Variants in BTBD9 observed in about 807,000 individuals in gnomAD.
The protein encoded by BTBD9 is BTB/POZ domain-containing protein 9.
In BTBD9, 49 loss-of-function variants were observed where a neutral mutation model predicts 64.3. That is an observed-to-expected ratio of 0.76 (90% confidence interval 0.61 to 0.97). The LOEUF (loss-of-function observed/expected upper bound fraction) is 0.97. BTBD9 is among the 50% of genes least tolerant of loss of function. The pLI is 0.00. For missense variants in BTBD9, 598 were observed against 762.1 expected (o/e 0.78, Z 2.53); for synonymous variants, 260 against 274.7 (o/e 0.95, Z 0.53).
chr6:38,309,602 G>A lies in BTBD9; in HGVS notation c.1265-21141C>T, dbSNP rs538751123. Among the ~76,000 whole-genome samples the A allele has an allele frequency of 1.1e-4, 16 of 151,606 alleles. 1 individual carries two copies. The highest frequency in any genetic ancestry group is 2.1e-4 in the South Asian group (1 of 4,778). Reference sequence around the variant, plus strand: ...TAACTTTTGTATTTTTAGTAGAGACGGGGTTTCACCATGTTGGCCAGGATG... The same window carrying A: ...TAACTTTTGTATTTTTAGTAGAGACAGGGTTTCACCATGTTGGCCAGGATG... On this transcript the variant is annotated intron_variant, in intron 7 of 10. Transcript: ENST00000481247.
chr6:38,330,696 A>G (rs1216344871), intron 7 of BTBD9, among the ~76,000 whole-genome samples: 2 of 152,070 alleles, frequency 1.3e-5, no homozygotes, highest in Non-Finnish European at 2.9e-5. Context: ...AGCAAAATAG[A>G]TGACGAAGAT....
intron 6 of BTBD9, among the ~76,000 whole-genome samples, chr6:38,522,387 C>G (rs1773311127): frequency 6.6e-6 from 1 of 152,234 alleles, no homozygotes; most frequent in Admixed American, 6.5e-5. Flanking sequence ...TGAAACTTCA[C>G]TTAATAAGAT....
intron 6 of BTBD9, among the ~76,000 whole-genome samples, chr6:38,406,787 C>T (rs1193118982): frequency 6.6e-6 from 1 of 152,164 alleles, no homozygotes; most frequent in Non-Finnish European, 1.5e-5. Flanking sequence ...AGTGCAGTGC[C>T]TATTCACAGA....
intron 4 of BTBD9, chr6:38,588,201 C>T: frequency 1.2e-6 from 1 of 845,008 alleles, no homozygotes; most frequent in Non-Finnish European, 2.1e-6. Flanking sequence ...TCAGCAGTTC[C>T]AAGGATATGG....
At chr6:38,442,382 G>A (rs1300650843) in intron 6 of BTBD9, among the ~76,000 whole-genome samples, 1 of 152,042 alleles carries the variant, frequency 6.6e-6, no homozygotes, top group Non-Finnish European at 1.5e-5. Flanking sequence ...GCCTACTCGG[G>A]AGGCTTGAAC....
At chr6:38,636,637 CCTACACT>C (rs1458900297) in intron 1 of BTBD9, among the ~76,000 whole-genome samples, 1 of 152,210 alleles carries the variant, frequency 6.6e-6, no homozygotes, top group Non-Finnish European at 1.5e-5. Context: ...ACATTTCTCA[CCTACACT>C]CTAGTCTCCC....
intron 6 of BTBD9, among the ~76,000 whole-genome samples, chr6:38,567,183 T>A (rs907141135): frequency 3.3e-5 from 5 of 152,252 alleles, no homozygotes; most frequent in Non-Finnish European, 5.9e-5. Flanking sequence ...TTTCTATAAC[T>A]GAAGGTTTAG....
intron 6 of BTBD9, among the ~76,000 whole-genome samples, chr6:38,477,005 C>T (rs1365977193): frequency 6.6e-6 from 1 of 152,214 alleles, no homozygotes; most frequent in Non-Finnish European, 1.5e-5. Flanking sequence ...CTGCCAGTGA[C>T]ATTCAGGCTT....
chr6:38,299,629 G>A (rs981297973), intron 7 of BTBD9, among the ~76,000 whole-genome samples: 2 of 151,932 alleles, frequency 1.3e-5, no homozygotes, highest in African/African-American at 4.8e-5. Flanking sequence ...ATTTTTTCAT[G>A]TGTTTTTTGG....
At chr6:38,199,238 G>A (rs147754095) in intron 9 of BTBD9, among the ~76,000 whole-genome samples, 2 of 152,214 alleles carry the variant, frequency 1.3e-5, no homozygotes, top group East Asian at 1.9e-4. Context: ...GTCATATCCC[G>A]GATGGTGAGA....
rs147044235 is a variant in BTBD9, at chr6:38,539,918, G to T, written c.1154+37682C>A. On this transcript the variant is annotated intron_variant, in intron 6 of 10. Coordinates refer to ENST00000481247, the MANE Select transcript of BTBD9 (RefSeq NM_001099272.2). ...CTCTATTAGAGTTCACAGGCTAAGAGAAATAAGTATTTCTAGCAACTTTTA... is the reference window on the plus strand; with the variant it reads ...CTCTATTAGAGTTCACAGGCTAAGATAAATAAGTATTTCTAGCAACTTTTA... Among the ~76,000 whole-genome samples, 159 of 152,274 alleles carry T rather than the reference G, an allele frequency of 1.0e-3. 1 individual carries two copies. The highest frequency in any genetic ancestry group is 3.5e-3 in the African/African-American group (147 of 41,560).
chr6:38,384,213 C>A (rs1033019617), intron 6 of BTBD9, among the ~76,000 whole-genome samples: 3 of 152,074 alleles, frequency 2.0e-5, no homozygotes, highest in African/African-American at 7.2e-5. Flanking sequence ...TGCGAAGTAT[C>A]TTGTGATACT....
chr6:38,383,814 C>T (rs956248875), intron 6 of BTBD9, among the ~76,000 whole-genome samples: 2 of 152,136 alleles, frequency 1.3e-5, no homozygotes, highest in Non-Finnish European at 2.9e-5. Flanking sequence ...TGAATGTTTG[C>T]GTCCACCCCT....
At chr6:38,418,817 A>G (rs1034901519) in intron 6 of BTBD9, among the ~76,000 whole-genome samples, 1 of 152,190 alleles carries the variant, frequency 6.6e-6, no homozygotes, top group Non-Finnish European at 1.5e-5. Context: ...GAATGCATGG[A>G]CTAGAATAGC....
At chr6:38,322,219 T>C (rs1404252564) in intron 7 of BTBD9, among the ~76,000 whole-genome samples, 1 of 152,056 alleles carries the variant, frequency 6.6e-6, no homozygotes, top group Non-Finnish European at 1.5e-5. Context: ...TCACTGTACA[T>C]TGCCTTGGTC....
At chr6:38,234,600 T>C (rs554803713) in intron 9 of BTBD9, among the ~76,000 whole-genome samples, 1 of 152,350 alleles carries the variant, frequency 6.6e-6, no homozygotes, top group South Asian at 2.1e-4. Context: ...CTTTTACTGA[T>C]AAAATAACAA....
At position 38,408,007 on chromosome 6, in the gene BTBD9, T is replaced by C. The variant is rs77951370; in HGVS notation, c.1155-62914A>G. Reference sequence around the variant, plus strand: ...AAAGGAATCCCAATGAAACAGCTGATACATAACCTAAAATTAGGCCACTTT... The same window carrying C: ...AAAGGAATCCCAATGAAACAGCTGACACATAACCTAAAATTAGGCCACTTT... On this transcript the variant is annotated intron_variant, in intron 6 of 10. Coordinates refer to ENST00000481247, the MANE Select transcript of BTBD9 (RefSeq NM_001099272.2). 1.9e-4 allele frequency among the ~76,000 whole-genome samples: 29 copies of C among 152,324 alleles called. 1 individual carries two copies. The East Asian group carries it at 2.9e-3, about 15-fold the overall frequency.
At chr6:38,541,398 AG>A (rs1562316247) in intron 6 of BTBD9, among the ~76,000 whole-genome samples, 1 of 152,232 alleles carries the variant, frequency 6.6e-6, no homozygotes, top group East Asian at 1.9e-4. Flanking sequence ...GAATTCAAAC[AG>A]GAGGGAATTT....
intron 7 of BTBD9, among the ~76,000 whole-genome samples, chr6:38,296,954 A>C (rs1762176434): frequency 6.6e-6 from 1 of 152,228 alleles, no homozygotes; most frequent in Non-Finnish European, 1.5e-5. Context: ...GTGTGCCTCA[A>C]AAGAATGTAT....
Sources: allele counts gnomAD v4.1 joint callset (sites outside exome capture counted in the v4.1 genomes callset), GRCh38; gene constraint gnomAD v4.1.1; transcripts MANE v1.5; gene names NCBI Gene and HGNC (gene_info 2026-07-23, HGNC 2026-07-21).